Variants in SLC25A31 observed in about 807,000 individuals in gnomAD.
SLC25A31 encodes solute carrier family 25 member 31.
A neutral mutation model predicts 36.2 loss-of-function variants in SLC25A31; 40 were observed. That is an observed-to-expected ratio of 1.10 (90% CI 0.86 to 1.44). The LOEUF (loss-of-function observed/expected upper bound fraction) is 1.44, where lower values mean the gene tolerates loss of function less well. Among genes scored for constraint, SLC25A31 ranks in the 40% most tolerant of loss-of-function variants. SLC25A31 has a pLI of 0.00. For missense variants in SLC25A31, 350 were observed against 397.1 expected, an observed-to-expected ratio of 0.88 and a Z score of 1.01; for synonymous variants, 143 against 149.7, an observed-to-expected ratio of 0.96 and a Z score of 0.32.
At chr4:127,745,497 TC>T (rs1731808820) in intron 2 of SLC25A31, among the ~76,000 whole-genome samples, 1 of 152,142 alleles carries the variant, frequency 6.6e-6, no homozygotes, top group Non-Finnish European at 1.5e-5. Flanking sequence ...CCTCATCTTT[TC>T]TCTTTTTCTC....
intron 2 of SLC25A31, among the ~76,000 whole-genome samples, chr4:127,749,168 C>T (rs945467480): frequency 3.3e-5 from 5 of 151,026 alleles, no homozygotes; most frequent in East Asian, 1.9e-4. Context: ...TAACAGCTGA[C>T]GCAATCATGC....
intron 4 of SLC25A31, among the ~76,000 whole-genome samples, chr4:127,767,983 T>C (rs912044127): frequency 6.6e-6 from 1 of 151,854 alleles, no homozygotes; most frequent in Non-Finnish European, 1.5e-5. Context: ...AAATCCCCCC[T>C]TTGTTTAAAG....
chr4:127,731,152 G>T (rs1225463735), intron 1 of SLC25A31, among the ~76,000 whole-genome samples: 1 of 152,184 alleles, frequency 6.6e-6, no homozygotes, highest in Admixed American at 6.5e-5. Flanking sequence ...TTAAATATTT[G>T]TTGGTATAAT....
At chr4:127,739,860 G>A (rs1731701720) in intron 1 of SLC25A31, among the ~76,000 whole-genome samples, 2 of 151,754 alleles carry the variant, frequency 1.3e-5, no homozygotes, top group South Asian at 4.2e-4. Flanking sequence ...GCTTGGTCCA[G>A]TCAATTGATA....
chr4:127,747,833 T>C (rs1401816139), intron 2 of SLC25A31, among the ~76,000 whole-genome samples: 2 of 152,150 alleles, frequency 1.3e-5, no homozygotes, highest in Non-Finnish European at 2.9e-5. Flanking sequence ...GAAGGACATA[T>C]AGAACTTAGA....
intron 1 of SLC25A31, among the ~76,000 whole-genome samples, chr4:127,737,335 A>G (rs1731650041): frequency 8.4e-6 from 1 of 119,228 alleles, no homozygotes; most frequent in African/African-American, 2.6e-5. Context: ...GTAAATTTTC[A>G]TTGAGATATT....
chr4:127,755,431 A>G (rs1283538008), intron 2 of SLC25A31, among the ~76,000 whole-genome samples: 1 of 152,236 alleles, frequency 6.6e-6, no homozygotes, highest in Non-Finnish European at 1.5e-5. Context: ...AGAGAATTCA[A>G]ATACTTTCAT....
rs752555357 is a variant in SLC25A31, at chr4:127,773,795, A to G, written c.*221A>G. On this transcript the variant is annotated 3_prime_UTR_variant, in exon 6 of 6. Transcript: ENST00000281154. ...CAAACACATTTTAGTGTGATATTTC[A>G]TTTATTATAGGTAGTATATTTTAAT... is the stretch of plus-strand genomic sequence containing the variant. 4.5e-5 allele frequency: 17 copies of G among 373,770 alleles called. No individual in the cohort carries two copies. Among genetic ancestry groups the G allele is most frequent in the African/African-American group, 6.3e-5 (3 of 47,982 alleles). The allele number at this position is 373,770 out of a possible 1,614,324, so 23.2% of individuals were successfully genotyped here. A position where few individuals can be genotyped will look rare whatever the true frequency, so the allele number is the denominator to read the frequency against.
At chr4:127,752,169 CA>C (rs1189919099) in intron 2 of SLC25A31, among the ~76,000 whole-genome samples, 12 of 152,264 alleles carry the variant, frequency 7.9e-5, no homozygotes, top group Non-Finnish European at 1.5e-4. Context: ...GGAACCAACC[CA>C]AATGTCCATC....
chr4:127,768,777 C>T lies in SLC25A31; in HGVS notation c.659C>T (p.Thr220Ile), dbSNP rs373463289. 1.2e-5 allele frequency: 20 copies of T among 1,605,738 alleles called. No homozygotes were observed. The highest frequency in any genetic ancestry group is 1.6e-5 in the Non-Finnish European group (19 of 1,176,408). ...VKGLLPKPKKTPFLVSFFIAQ... is the reference protein window; with the variant it reads ...VKGLLPKPKKIPFLVSFFIAQ... The stretch of plus-strand genomic sequence containing the variant: ...GGTTTATTACCAAAGCCAAAGAAAA[C>T]TCCATTTCTTGTCTCCTTTTTCATT... Residue 220 changes from threonine to isoleucine, a missense_variant, in exon 5 of 6, where the codon ACT becomes ATT. Physicochemically the swap from Thr to Ile is moderately conservative, Grantham distance 89 (BLOSUM62 -1). Transcript: ENST00000281154.
chr4:127,731,566 G>A (rs1305711205), intron 1 of SLC25A31, among the ~76,000 whole-genome samples: 1 of 152,038 alleles, frequency 6.6e-6, no homozygotes, highest in African/African-American at 2.4e-5. Flanking sequence ...AAAATTAGCC[G>A]GGCGTGGTGG....
intron 1 of SLC25A31, among the ~76,000 whole-genome samples, chr4:127,737,536 T>TA (rs1382817664): frequency 6.6e-6 from 1 of 152,162 alleles, no homozygotes; most frequent in Non-Finnish European, 1.5e-5. Context: ...TAATCAAAGT[T>TA]ACAAACCTTT....
At chr4:127,733,516 T>G (rs1015733091) in intron 1 of SLC25A31, among the ~76,000 whole-genome samples, 2 of 152,230 alleles carry the variant, frequency 1.3e-5, no homozygotes, top group African/African-American at 4.8e-5. Context: ...GATGATTGTA[T>G]GTATACTTGT....
In SLC25A31 at chr4:127,763,854, C is replaced by A. The variant is rs556437120; in HGVS notation, c.361-389C>A. 2.1e-3 allele frequency among the ~76,000 whole-genome samples: 327 copies of A among 152,204 alleles called. 1 individual carries two copies. Among genetic ancestry groups the A allele is most frequent in the African/African-American group, 7.3e-3 (304 of 41,534 alleles). On this transcript the variant is annotated intron_variant, in intron 2 of 5. Transcript: ENST00000281154. ...CAGAAAAAGGGCACAACTAAAGCCT[C>A]CATATGTGCCTGACATTGTAATCAT...
At chr4:127,755,752 G>A (rs796334357) in intron 2 of SLC25A31, among the ~76,000 whole-genome samples, 41 of 152,214 alleles carry the variant, frequency 2.7e-4, no homozygotes, top group Admixed American at 1.0e-3. Flanking sequence ...CTAAAAATAG[G>A]GCCAGGTGCT....
chr4:127,758,098 A>G (rs1247226945), intron 2 of SLC25A31, among the ~76,000 whole-genome samples: 3 of 152,182 alleles, frequency 2.0e-5, no homozygotes, highest in African/African-American at 7.2e-5. Context: ...ATTTACTATC[A>G]TAAGAGTAGC....
At chr4:127,731,288 G>A (rs1731520834) in intron 1 of SLC25A31, among the ~76,000 whole-genome samples, 1 of 152,036 alleles carries the variant, frequency 6.6e-6, no homozygotes, top group South Asian at 2.1e-4. Context: ...CCAGTACTCT[G>A]AAACCTATTA....
chr4:127,732,022 A>G (rs985905425), intron 1 of SLC25A31, among the ~76,000 whole-genome samples: 2 of 152,214 alleles, frequency 1.3e-5, no homozygotes, highest in Non-Finnish European at 2.9e-5. Context: ...AGAAATAACG[A>G]AAGTGCTTTG....
At chr4:127,742,110 T>C (rs547413764) in intron 1 of SLC25A31, among the ~76,000 whole-genome samples, 1 of 152,338 alleles carries the variant, frequency 6.6e-6, no homozygotes, top group East Asian at 1.9e-4. Flanking sequence ...AATAAACTCT[T>C]AGTTTGACTG....
Sources: allele counts gnomAD v4.1 joint callset (sites outside exome capture counted in the v4.1 genomes callset), GRCh38; gene constraint gnomAD v4.1.1; transcripts MANE v1.5; gene names NCBI Gene and HGNC (gene_info 2026-07-23, HGNC 2026-07-21).